FAM174A: variants seen among roughly 807,000 people sequenced by gnomAD.
The protein encoded by FAM174A is membrane protein FAM174A.
Under a neutral mutation model 14.3 loss-of-function variants are expected in FAM174A, and 14 were observed. The observed-to-expected ratio is 0.98, with a 90% CI of 0.65 to 1.53. The LOEUF (loss-of-function observed/expected upper bound fraction) is 1.53. Among genes scored for constraint, FAM174A ranks in the 40% most tolerant of loss-of-function variants. The pLI is 0.00. For synonymous variants in FAM174A, 108 were observed against 111.4 expected, an observed-to-expected ratio of 0.97 and a Z score of 0.19; for missense variants, 241 against 249.6, an observed-to-expected ratio of 0.97 and a Z score of 0.23.
chr5:100,581,606 A>G (rs1395601432), intron 2 of FAM174A, among the ~76,000 whole-genome samples: 1 of 152,194 alleles, frequency 6.6e-6, no homozygotes, highest in Non-Finnish European at 1.5e-5. Context: ...AATTGGCTTA[A>G]TTCTTGATAA....
intron 2 of FAM174A, 52 bp downstream of exon 2, chr5:100,562,240 A>C (rs779257969): frequency 1.4e-5 from 21 of 1,489,346 alleles, no homozygotes; most frequent in Non-Finnish European, 1.8e-5. Flanking sequence ...GTCCTTGCCA[A>C]GTAAACTGAA....
chr5:100,563,070 A>G (rs1746560822), intron 2 of FAM174A, among the ~76,000 whole-genome samples: 1 of 151,874 alleles, frequency 6.6e-6, no homozygotes, highest in South Asian at 2.1e-4. Context: ...CTATATTTAT[A>G]TCTATATATG....
intron 1 of FAM174A, among the ~76,000 whole-genome samples, chr5:100,559,555 T>C (rs1746479694): frequency 6.6e-6 from 1 of 152,126 alleles, no homozygotes; most frequent in Non-Finnish European, 1.5e-5. Flanking sequence ...TCCAACTTGG[T>C]TCCATCCTCC....
intron 1 of FAM174A, among the ~76,000 whole-genome samples, chr5:100,558,319 C>T (rs1298218511): frequency 6.6e-6 from 1 of 152,146 alleles, no homozygotes; most frequent in African/African-American, 2.4e-5. Flanking sequence ...GTTATAATTT[C>T]TGTTCTTTTA....
chr5:100,557,215 C>T (rs1273392080), intron 1 of FAM174A, among the ~76,000 whole-genome samples: 1 of 131,380 alleles, frequency 7.6e-6, no homozygotes, highest in East Asian at 2.0e-4. Flanking sequence ...TGGTTTCTGT[C>T]ATTGGTACAT....
chr5:100,578,938 A>T (rs1404433667), intron 2 of FAM174A, among the ~76,000 whole-genome samples: 1 of 151,304 alleles, frequency 6.6e-6, no homozygotes, highest in Non-Finnish European at 1.5e-5. Context: ...AATGTGCTGC[A>T]TACCTATTTC....
intron 2 of FAM174A, among the ~76,000 whole-genome samples, chr5:100,580,036 G>C (rs1238602969): frequency 3.3e-5 from 5 of 152,156 alleles, no homozygotes; most frequent in Admixed American, 3.3e-4. Context: ...ATTCGCTTCA[G>C]TGGTGATTCA....
At chr5:100,556,932 A>G (rs533602013) in intron 1 of FAM174A, among the ~76,000 whole-genome samples, 1 of 152,220 alleles carries the variant, frequency 6.6e-6, no homozygotes, top group East Asian at 1.9e-4. Context: ...AATACCCTTT[A>G]TTTCTTTCTC....
rs189552124 is a variant in FAM174A, at chr5:100,553,391, C to T, written c.435-8663C>T. On this transcript the variant is annotated intron_variant, in intron 1 of 2. Transcript: ENST00000312637. Reference sequence around the variant, plus strand: ...GCTTTTTTTCTTCCTTGAGATGAATCACCCCATATAGTAATACAGCATGTG... The same window carrying T: ...GCTTTTTTTCTTCCTTGAGATGAATTACCCCATATAGTAATACAGCATGTG... Among the ~76,000 whole-genome samples the T allele has an allele frequency of 6.6e-4, 101 of 152,118 alleles. 1 individual carries two copies. The highest frequency in any genetic ancestry group is 1.2e-3 in the Admixed American group (19 of 15,270).
intron 1 of FAM174A, among the ~76,000 whole-genome samples, chr5:100,550,137 A>G (rs1746236143): frequency 6.6e-6 from 1 of 152,184 alleles, no homozygotes; most frequent in Admixed American, 6.6e-5. Context: ...TCAGCATAGG[A>G]TACAAACTAA....
At chr5:100,553,690 TAA>T (rs1746308159) in intron 1 of FAM174A, among the ~76,000 whole-genome samples, 1 of 152,138 alleles carries the variant, frequency 6.6e-6, no homozygotes, top group South Asian at 2.1e-4. Flanking sequence ...TTCCTGTTTC[TAA>T]AGAGTTTGGA....
chr5:100,538,631 T>C (rs1015761647), intron 1 of FAM174A, among the ~76,000 whole-genome samples: 1 of 152,100 alleles, frequency 6.6e-6, no homozygotes, highest in Admixed American at 6.6e-5. Flanking sequence ...TTCTCCCCTA[T>C]ATCCTCAGTG....
chr5:100,580,051 A>G (rs1411741745), intron 2 of FAM174A, among the ~76,000 whole-genome samples: 1 of 152,222 alleles, frequency 6.6e-6, no homozygotes, highest in Non-Finnish European at 1.5e-5. Context: ...GATTCATGAA[A>G]TAAACTTTTT....
intron 2 of FAM174A, among the ~76,000 whole-genome samples, chr5:100,567,935 A>G (rs1350068015): frequency 6.6e-6 from 1 of 152,002 alleles, no homozygotes; most frequent in Non-Finnish European, 1.5e-5. Context: ...ACATTTTACA[A>G]TCATGAAAAT....
intron 1 of FAM174A, among the ~76,000 whole-genome samples, chr5:100,538,425 G>A (rs886926366): frequency 6.6e-6 from 1 of 151,952 alleles, no homozygotes; most frequent in Non-Finnish European, 1.5e-5. Flanking sequence ...CATTTATAAT[G>A]AATATGTAGG....
chr5:100,573,853 G>T (rs1172142401), intron 2 of FAM174A, among the ~76,000 whole-genome samples: 1 of 151,614 alleles, frequency 6.6e-6, no homozygotes, highest in African/African-American at 2.4e-5. Flanking sequence ...AACCAAAACA[G>T]CATGGTACTG....
At chr5:100,561,653 G>A (rs1476241468) in intron 1 of FAM174A, among the ~76,000 whole-genome samples, 1 of 151,866 alleles carries the variant, frequency 6.6e-6, no homozygotes, top group Non-Finnish European at 1.5e-5. Flanking sequence ...CAGTTTCTTA[G>A]AGGGGCATCT....
intron 1 of FAM174A, among the ~76,000 whole-genome samples, chr5:100,554,152 A>G (rs1746316286): frequency 6.6e-6 from 1 of 152,178 alleles, no homozygotes; most frequent in Non-Finnish European, 1.5e-5. Flanking sequence ...AAAAGGAAAG[A>G]GAAATTATAA....
Position 100,546,205 on chromosome 5 carries a change from T to C in FAM174A, c.434+10241T>C, listed in dbSNP as rs561601577. On this transcript the variant is annotated intron_variant, in intron 1 of 2. Coordinates refer to ENST00000312637, the MANE Select transcript of FAM174A (RefSeq NM_198507.3). ...CAGCAATTTAGCTGGCTTTAATGTT[T>C]GGTCTTGCCATGCCAACATATGTCC... 9.2e-5 allele frequency among the ~76,000 whole-genome samples: 14 copies of C among 152,350 alleles called. No individual in the cohort carries two copies. The East Asian group carries it at 2.7e-3, about 29-fold the overall frequency.
Sources: allele counts gnomAD v4.1 joint callset (sites outside exome capture counted in the v4.1 genomes callset), GRCh38; gene constraint gnomAD v4.1.1; transcripts MANE v1.5; gene names NCBI Gene and HGNC (gene_info 2026-07-23, HGNC 2026-07-21).